DPM2: variants seen among roughly 807,000 people sequenced by gnomAD.
DPM2 encodes the protein dolichol phosphate-mannose biosynthesis regulatory protein.
A neutral mutation model predicts 12.1 loss-of-function variants in DPM2; 8 were observed. That is an observed-to-expected ratio of 0.66 (90% CI 0.39 to 1.19). The LOEUF is 1.19. Among genes scored for constraint, DPM2 ranks in the 50% most tolerant of loss-of-function variants. The pLI is 0.01. For synonymous variants in DPM2, 38 were observed against 44.7 expected (o/e 0.85, Z 0.60); for missense variants, 93 against 102.5 (o/e 0.91, Z 0.40).
chr9:127,936,137 C>G, intron 3 of DPM2: 1 of 771,254 alleles, frequency 1.3e-6, no homozygotes, highest in South Asian at 2.1e-5. Flanking sequence ...ACCCATCATC[C>G]AGGCACCCGG....
rs201974273 is a variant in DPM2 at position 127,935,714 on chromosome 9, C to A, written c.*8G>T. On this transcript the variant is annotated 3_prime_UTR_variant, in exon 4 of 4. Coordinates refer to ENST00000314392, the MANE Select transcript of DPM2 (RefSeq NM_003863.4). Reference sequence around the variant, plus strand: ...GAAGGGGCTGGCAGCCTCATCCCTGCGGGACCTTCACTGAGCCTTCTTGGT... The same window carrying A: ...GAAGGGGCTGGCAGCCTCATCCCTGAGGGACCTTCACTGAGCCTTCTTGGT... 8 of 1,613,186 alleles carry A rather than the reference C, an allele frequency of 5.0e-6. No individual in the cohort carries two copies. In the South Asian group the frequency reaches 8.8e-5, roughly 18 times the overall value.
intron 1 of DPM2, 78 bp downstream of exon 1, chr9:127,937,739 GC>G (rs1383388278): frequency 5.7e-6 from 9 of 1,568,130 alleles, no homozygotes; most frequent in Non-Finnish European, 7.9e-6. Flanking sequence ...CGTTCCAAGT[GC>G]CCATGCCCCA....
chr9:127,935,681 G>A lies in DPM2; in HGVS notation c.*41C>T. ...CCCACTTGGTCCCTGTGCTGGAGGG[G>A]AAGCAGAGAAGGGGCTGGCAGCCTC... On this transcript the variant is annotated 3_prime_UTR_variant, in exon 4 of 4. Transcript: ENST00000314392. The A allele has an allele frequency of 3.1e-6, 5 of 1,608,644 alleles. No individual in the cohort carries two copies. Among genetic ancestry groups the A allele is most frequent in the East Asian group, 2.2e-5 (1 of 44,860 alleles).
At position 127,936,177 on chromosome 9, in the gene DPM2, T is replaced by C. The variant is rs770873198; in HGVS notation, c.196+376A>G. ...TGACTGACTCATCCAAATGACTTTCTGAGCACAGCCTCAGTGCCACAGCCT... is the reference window on the plus strand; with the variant it reads ...TGACTGACTCATCCAAATGACTTTCCGAGCACAGCCTCAGTGCCACAGCCT... On this transcript the variant is annotated intron_variant, in intron 3 of 3. Transcript: ENST00000314392. The C allele has an allele frequency of 5.3e-4, 589 of 1,106,788 alleles. 1 individual carries two copies. The highest frequency in any genetic ancestry group is 7.0e-4 in the Non-Finnish European group (561 of 801,722). 68.6% of individuals were successfully genotyped at this position (1,106,788 alleles called of 1,614,324 possible).
chr9:127,936,809 T>TG, intron 2 of DPM2, 154 bp from the exon 3 acceptor site: 1 of 624,580 alleles, frequency 1.6e-6, no homozygotes, highest in Non-Finnish European at 2.4e-6. Context: ...GGTGTCGTGG[T>TG]TTGTTTCTTT....
chr9:127,936,209 G>C (rs1831502154), intron 3 of DPM2: 1 of 1,291,740 alleles, frequency 7.7e-7, no homozygotes, highest in Non-Finnish European at 1.0e-6. Context: ...GCCTGTTCTA[G>C]ATGTGCAGTA....
Position 127,937,840 on chromosome 9 carries a change from C to T in DPM2, c.-20G>A, listed in dbSNP as rs1018677400. ...CACCATTTCCCCGCGCGCTCAGCCA[C>T]CCGAGCCGCAAGCCACATCCGGTTC... is the stretch of plus-strand genomic sequence containing the variant. On this transcript the variant is annotated 5_prime_UTR_variant, in exon 1 of 4. In the 5' UTR this introduces an upstream ATG that the reference lacks. Coordinates refer to ENST00000314392, the MANE Select transcript of DPM2 (RefSeq NM_003863.4). 1.1e-5 allele frequency: 17 copies of T among 1,597,814 alleles called. No homozygotes were observed. The highest frequency in any genetic ancestry group is 1.4e-5 in the Non-Finnish European group (16 of 1,172,988).
intron 2 of DPM2, 140 bp downstream of exon 2, chr9:127,937,294 T>C (rs767070876): frequency 3.2e-6 from 2 of 626,756 alleles, no homozygotes; most frequent in Non-Finnish European, 5.6e-6. Context: ...CACTGGCATC[T>C]TCCTCATAGA....
intron 3 of DPM2, chr9:127,936,241 T>C: frequency 1.4e-6 from 2 of 1,408,420 alleles, no homozygotes; most frequent in South Asian, 3.1e-5. Flanking sequence ...ACAGTCCCCA[T>C]CCCTAGGAAG....
Position 127,935,749 on chromosome 9 carries a change from G to C in DPM2, c.228C>G (p.Thr76=). 6.2e-7 allele frequency: 1 copy of C among 1,613,178 alleles called. No individual in the cohort carries two copies. Among genetic ancestry groups the C allele is most frequent in the Non-Finnish European group, 8.5e-7 (1 of 1,179,210 alleles). ...ACTGAGCCTTCTTGGTCACTCTCTT[G>C]GTCTTCAGCATCACATAGGAGATGA... ...GLFISYVMLK[T]KRVTKKAQ is the part of the protein sequence containing the mutation. The change falls in exon 4 of 4, where the codon ACC becomes ACG. Residue 76 remains threonine, a synonymous_variant. Transcript: ENST00000314392.
chr9:127,937,344 G>C (rs1831523583), intron 2 of DPM2, 90 bp downstream of exon 2: 1 of 991,348 alleles, frequency 1.0e-6, no homozygotes, highest in South Asian at 1.5e-5. Flanking sequence ...AGGCAATGAA[G>C]CCAGCGCCGT....
intron 3 of DPM2, 87 bp downstream of exon 3, chr9:127,936,466 C>G: frequency 6.2e-7 from 1 of 1,610,840 alleles, no homozygotes; most frequent in Non-Finnish European, 8.5e-7. Flanking sequence ...AAGCAGCTTC[C>G]AGCACCGCCA....
rs945144368 is a variant in DPM2 at position 127,935,237 on chromosome 9, C to T, written c.*485G>A. 1 of 203,876 alleles carries T rather than the reference C, an allele frequency of 4.9e-6. No individual in the cohort carries two copies. The highest frequency in any genetic ancestry group is 5.9e-5 in the Admixed American group (1 of 16,998). The allele number at this position is 203,876 out of a possible 1,614,324, so 12.6% of individuals were successfully genotyped here. ...TGAGCCCCAGGGCTGGTCCTGGGGT[C>T]TGTCAGTCCTTCCCCAGGCTTTCCA... is the stretch of plus-strand genomic sequence containing the variant. On this transcript the variant is annotated 3_prime_UTR_variant, in exon 4 of 4. Transcript: ENST00000314392.
At chr9:127,937,008 C>T (rs889732513) in intron 2 of DPM2, 17 of 295,494 alleles carry the variant, frequency 5.8e-5, no homozygotes, top group Admixed American at 2.9e-4. Flanking sequence ...TATTTTTTCT[C>T]TAAAGGATAC....
In DPM2 at chr9:127,937,828, C is replaced by T. The variant is rs1162404364; in HGVS notation, c.-8G>A. On this transcript the variant is annotated 5_prime_UTR_variant, in exon 1 of 4. Coordinates refer to ENST00000314392, the MANE Select transcript of DPM2 (RefSeq NM_003863.4). ...CGGTGCCAATCTCACCATTTCCCCG[C>T]GCGCTCAGCCACCCGAGCCGCAAGC... The T allele has an allele frequency of 1.2e-6, 2 of 1,601,128 alleles. No individual in the cohort carries two copies. Among genetic ancestry groups the T allele is most frequent in the Non-Finnish European group, 8.5e-7 (1 of 1,173,680 alleles).
intron 2 of DPM2, 169 bp downstream of exon 2, chr9:127,937,265 C>G: frequency 1.8e-6 from 1 of 557,302 alleles, no homozygotes; most frequent in Non-Finnish European, 3.2e-6. Flanking sequence ...TCAGCTATCT[C>G]ATCTATAAAA....
chr9:127,936,283 C>G, intron 3 of DPM2: 1 of 1,441,956 alleles, frequency 6.9e-7, no homozygotes, highest in Non-Finnish European at 9.1e-7. Flanking sequence ...GAATTAGAAG[C>G]CAGGGTGACA....
At chr9:127,936,443 G>A in intron 3 of DPM2, 110 bp downstream of exon 3, 1 of 1,609,588 alleles carries the variant, frequency 6.2e-7, no homozygotes, top group African/African-American at 1.3e-5. Flanking sequence ...AACCCCACGG[G>A]TGAGTTCGGG....
intron 1 of DPM2, 99 bp downstream of exon 1, chr9:127,937,719 G>A (rs73669305): frequency 6.7e-7 from 1 of 1,492,268 alleles, no homozygotes; most frequent in Non-Finnish European, 9.4e-7. Context: ...GGGGGCGGGA[G>A]AGCAATCCCC....
Sources: allele counts gnomAD v4.1 joint callset, GRCh38; gene constraint gnomAD v4.1.1; transcripts MANE v1.5; gene names NCBI Gene and HGNC (gene_info 2026-07-23, HGNC 2026-07-21).